The following DDB2 variants were observed in gnomAD, a reference collection of about 807,000 sequenced individuals.
DDB2 encodes the protein DNA damage-binding protein 2.
In DDB2, 27 loss-of-function variants were observed where a neutral mutation model predicts 50.5. That is an observed-to-expected ratio of 0.53 (90% CI 0.39 to 0.74). The LOEUF (loss-of-function observed/expected upper bound fraction) is 0.74, where lower values mean the gene tolerates loss of function less well. Among genes scored for constraint, DDB2 ranks in the 30% least tolerant of loss-of-function variants. DDB2 has a pLI of 0.00. For synonymous variants in DDB2, 176 were observed against 205.5 expected (o/e 0.86, Z 1.23); for missense variants, 424 against 545.6 (o/e 0.78, Z 2.22).
intron 4 of DDB2, among the ~76,000 whole-genome samples, chr11:47,234,037 T>C (rs1170055712): frequency 6.6e-6 from 1 of 152,200 alleles, no homozygotes; most frequent in Non-Finnish European, 1.5e-5. Context: ...GCAGGATCCC[T>C]GAAGCACCCT....
At chr11:47,231,119 CAAAAAAAAAAAAA>C (rs139290057) in intron 3 of DDB2, among the ~76,000 whole-genome samples, 1 of 58,366 alleles carries the variant, frequency 1.7e-5, no homozygotes, top group African/African-American at 6.5e-5. Flanking sequence ...GCCTTCATCT[CAAAAAAAAAAAAA>C]AAAAAAAAAA....
chr11:47,216,480 A>G lies in DDB2; in HGVS notation c.264+8A>G, dbSNP rs374094218. 7.3e-5 allele frequency: 117 copies of G among 1,612,614 alleles called. 1 individual carries two copies. Among genetic ancestry groups the G allele is most frequent in the South Asian group, 4.1e-4 (37 of 91,018 alleles). On this transcript the variant is annotated splice_region_variant and intron_variant, in intron 2 of 9. Coordinates refer to ENST00000256996, the MANE Select transcript of DDB2 (RefSeq NM_000107.3). ...TGGCCATCTGTCCAGCAGGTAAGGC[A>G]TTTTTTGCCTCAAGTCCTCAAGGGT...
At chr11:47,219,514 C>T (rs908878156) in intron 3 of DDB2, among the ~76,000 whole-genome samples, 1 of 152,132 alleles carries the variant, frequency 6.6e-6, no homozygotes, top group Non-Finnish European at 1.5e-5. Context: ...GTACGCACCA[C>T]CATGCCTGGC....
chr11:47,215,885 G>GT (rs1953393854), intron 1 of DDB2: 1 of 305,074 alleles, frequency 3.3e-6, no homozygotes, highest in Non-Finnish European at 6.4e-6. Context: ...AAGTAACCTA[G>GT]TTAAGAGCAT....
chr11:47,237,870 G>A lies in DDB2; in HGVS notation c.1057G>A (p.Val353Met), dbSNP rs1337293467. 16 of 1,614,042 alleles carry A rather than the reference G, an allele frequency of 9.9e-6. No individual in the cohort carries two copies. The highest frequency in any genetic ancestry group is 1.4e-5 in the Non-Finnish European group (16 of 1,180,044). The change falls in exon 8 of 10, where the codon GTG (valine) becomes ATG (methionine). Residue 353 changes from valine to methionine, a missense_variant. Val to Met is a conservative substitution (Grantham distance 21, BLOSUM62 1). Transcript: ENST00000256996. ...GCATCCTCGCTACAACCTCATTGTT[G>A]TGGGCCGATACCCAGATCCTAATTT... is the stretch of plus-strand genomic sequence containing the variant. ...AWHPRYNLIV[V>M]GRYPDPNFKS... is the part of the protein sequence containing the mutation.
In DDB2 at chr11:47,234,680, C is replaced by T. The variant is rs1181246163; in HGVS notation, c.702+8C>T. On this transcript the variant is annotated splice_region_variant and intron_variant, in intron 5 of 9. Coordinates refer to ENST00000256996, the MANE Select transcript of DDB2 (RefSeq NM_000107.3). ...AACATGGACGGCAAAGAGGTGCGTTCTCCGAGGTCCTGCCTTTCCCTCCCT... is the reference window on the plus strand; with the variant it reads ...AACATGGACGGCAAAGAGGTGCGTTTTCCGAGGTCCTGCCTTTCCCTCCCT... The T allele has an allele frequency of 1.2e-6, 2 of 1,613,918 alleles. No homozygotes were observed. The highest frequency in any genetic ancestry group is 2.2e-5 in the South Asian group (2 of 91,078).
At chr11:47,237,741 A>G (rs1406302300) in intron 7 of DDB2, 96 bp from the exon 8 acceptor site, 1 of 1,325,388 alleles carries the variant, frequency 7.5e-7, no homozygotes, top group African/African-American at 1.4e-5. Context: ...AGCCCAAAGA[A>G]TACTTTTGAT....
At position 47,235,345 on chromosome 11, in the gene DDB2, A is replaced by G. The variant is rs370130760; in HGVS notation, c.956A>G (p.Gln319Arg). Reference protein sequence around the residue: ...KSEIRVYSASQWDCPLGLIPH... With the variant: ...KSEIRVYSASRWDCPLGLIPH... Reference sequence around the variant, plus strand: ...GAGATCCGAGTTTACTCTGCTTCCCAGTGGGACTGCCCCCTGGGCCTGATC... The same window carrying G: ...GAGATCCGAGTTTACTCTGCTTCCCGGTGGGACTGCCCCCTGGGCCTGATC... The change falls in exon 7 of 10, where the codon CAG (glutamine) becomes CGG (arginine). Residue 319 changes from glutamine to arginine, a missense_variant. Transcript: ENST00000256996. 3.1e-6 allele frequency: 5 copies of G among 1,613,970 alleles called. No individual in the cohort carries two copies. Among genetic ancestry groups the G allele is most frequent in the Non-Finnish European group, 4.2e-6 (5 of 1,180,036 alleles).
chr11:47,214,468 C>T (rs1384792012), upstream of DDB2: 2 of 153,688 alleles, frequency 1.3e-5, no homozygotes, highest in African/African-American at 2.4e-5. Flanking sequence ...TCCCCGGACC[C>T]GCAGAGGCCT....
intron 9 of DDB2, 84 bp from the exon 10 acceptor site, chr11:47,238,716 C>A: frequency 6.7e-7 from 1 of 1,501,750 alleles, no homozygotes; most frequent in Non-Finnish European, 9.2e-7. Flanking sequence ...ATTTCTTTAC[C>A]AAATTGTAGG....
At chr11:47,235,554 C>A (rs1395614177) in intron 7 of DDB2, 142 bp downstream of exon 7, 2 of 799,112 alleles carry the variant, frequency 2.5e-6, no homozygotes, top group East Asian at 2.7e-5. Flanking sequence ...ATCTCTTACC[C>A]ATTGGCTCTC....
rs1009083705 is a variant in DDB2 at position 47,228,245 on chromosome 11, C to A, written c.457-4569C>A. 2.7e-5 allele frequency among the ~76,000 whole-genome samples: 4 copies of A among 148,990 alleles called. No homozygotes were observed. In the South Asian group the frequency reaches 8.6e-4, roughly 32 times the overall value. Reference sequence around the variant, plus strand: ...GTGCACCACTGCAGTCCAGCCTGAGCGACAGAGCACAACTCTGTCTCAAAA... The same window carrying A: ...GTGCACCACTGCAGTCCAGCCTGAGAGACAGAGCACAACTCTGTCTCAAAA... On this transcript the variant is annotated intron_variant, in intron 3 of 9. Transcript: ENST00000256996.
chr11:47,234,689 C>A lies in DDB2; in HGVS notation c.702+17C>A, dbSNP rs754458845. ...GGCAAAGAGGTGCGTTCTCCGAGGT[C>A]CTGCCTTTCCCTCCCTCACCCCCAC... On this transcript the variant is annotated intron_variant, in intron 5 of 9. Coordinates refer to ENST00000256996, the MANE Select transcript of DDB2 (RefSeq NM_000107.3). 2 of 1,613,772 alleles carry A rather than the reference C, an allele frequency of 1.2e-6. No homozygotes were observed. The highest frequency in any genetic ancestry group is 1.7e-6 in the Non-Finnish European group (2 of 1,179,820).
In DDB2 at chr11:47,229,999, T is replaced by G. The variant is rs1159634594; in HGVS notation, c.457-2815T>G. On this transcript the variant is annotated intron_variant, in intron 3 of 9. Transcript: ENST00000256996. ...GTGTGCACCATCACTCCCAGCTAATTTTTAATAATTTTTTATAGAGGCTGG... is the reference window on the plus strand; with the variant it reads ...GTGTGCACCATCACTCCCAGCTAATGTTTAATAATTTTTTATAGAGGCTGG... Among the ~76,000 whole-genome samples, 15 of 151,720 alleles carry G rather than the reference T, an allele frequency of 9.9e-5. No homozygotes were observed. The East Asian group carries it at 2.9e-3, about 29-fold the overall frequency.
intron 3 of DDB2, among the ~76,000 whole-genome samples, chr11:47,224,089 AAAAACAAAAC>A (rs552691155): frequency 1.4e-3 from 207 of 152,332 alleles, no homozygotes; most frequent in African/African-American, 4.7e-3. Context: ...TGTCTCAATT[AAAAACAAAAC>A]AAAACAAAAC....
chr11:47,235,444 G>T (rs1174213357), intron 7 of DDB2, 32 bp downstream of exon 7: 8 of 1,602,700 alleles, frequency 5.0e-6, no homozygotes, highest in Non-Finnish European at 5.9e-6. Flanking sequence ...CTCGCAGAAG[G>T]AGGCTGTGAT....
chr11:47,216,620 GC>G, intron 2 of DDB2, 148 bp downstream of exon 2: 1 of 1,270,320 alleles, frequency 7.9e-7, no homozygotes, highest in Non-Finnish European at 1.1e-6. Context: ...TGGGCACTCA[GC>G]CAGGTAAAAA....
chr11:47,224,632 G>A (rs900830982), intron 3 of DDB2, among the ~76,000 whole-genome samples: 3 of 152,168 alleles, frequency 2.0e-5, no homozygotes, highest in Non-Finnish European at 4.4e-5. Context: ...TGGTCCTGCA[G>A]GTGGTTGATG....
chr11:47,215,253 G>A lies in DDB2; in HGVS notation c.117G>A (p.Ala39=). The A allele has an allele frequency of 6.2e-7, 1 of 1,613,952 alleles. No individual in the cohort carries two copies. The highest frequency in any genetic ancestry group is 1.3e-5 in the African/African-American group (1 of 74,998). The part of the protein sequence containing the change: ...ELEPEAKKLC[A]KGSGPSRRCD... ...AGCCCGAGGCCAAGAAGCTCTGTGCGAAGGGCTCCGGTACTGCCTGTGCCT... is the reference window on the plus strand; with the variant it reads ...AGCCCGAGGCCAAGAAGCTCTGTGCAAAGGGCTCCGGTACTGCCTGTGCCT... Residue 39 remains alanine (A), a synonymous_variant, in exon 1 of 10, where the codon GCG becomes GCA. Transcript: ENST00000256996.
Sources: gnomAD v4.1 joint callset for allele counts (sites outside exome capture counted in the v4.1 genomes callset) on GRCh38, gnomAD v4.1.1 for gene constraint, MANE v1.5 for transcripts, NCBI Gene and HGNC (gene_info 2026-07-23, HGNC 2026-07-21) for gene names.